The following CSMD1 variants were observed in gnomAD, a reference collection of about 807,000 sequenced individuals.
The protein encoded by CSMD1 is CUB and Sushi multiple domains 1, also known as CUB and sushi domain-containing protein 1.
A neutral mutation model predicts 417.5 loss-of-function variants in CSMD1; 213 were observed. The observed-to-expected ratio is 0.51, with a 90% CI of 0.46 to 0.57. The LOEUF (loss-of-function observed/expected upper bound fraction) is 0.57, where lower values mean the gene tolerates loss of function less well. Among genes scored for constraint, CSMD1 ranks in the 20% least tolerant of loss-of-function variants. The pLI is 0.00. For synonymous variants in CSMD1, 2,862 were observed against 1,736.8 expected (o/e 1.65, Z -16.11); for missense variants, 6,923 against 4,529.7 (o/e 1.53, Z -15.17).
chr8:4,526,379 C>A (rs530420494), intron 2 of CSMD1, among the ~76,000 whole-genome samples: 71 of 152,336 alleles, frequency 4.7e-4, no homozygotes, highest in African/African-American at 1.7e-3. Context: ...TGGTCTCCTC[C>A]TTCAACAAGA....
intron 5 of CSMD1, among the ~76,000 whole-genome samples, chr8:3,902,286 T>C (rs1584937354): frequency 1.3e-5 from 2 of 152,136 alleles, no homozygotes; most frequent in East Asian, 3.9e-4. Context: ...CCCTCACCCA[T>C]TACTGTCAAA....
At chr8:4,064,856 G>C (rs372795154) in intron 3 of CSMD1, among the ~76,000 whole-genome samples, 1 of 151,990 alleles carries the variant, frequency 6.6e-6, no homozygotes, top group Admixed American at 6.6e-5. Flanking sequence ...TAAGTGTACT[G>C]TGTTTGTAAT....
At chr8:4,928,078 C>T (rs1346079575) in intron 1 of CSMD1, among the ~76,000 whole-genome samples, 2 of 152,244 alleles carry the variant, frequency 1.3e-5, no homozygotes, top group Non-Finnish European at 2.9e-5. Context: ...TGTGGCCTCT[C>T]TGAGCTCCAT....
intron 25 of CSMD1, among the ~76,000 whole-genome samples, chr8:3,293,947 C>T (rs1389001233): frequency 6.6e-6 from 1 of 152,114 alleles, no homozygotes; most frequent in East Asian, 1.9e-4. Context: ...TTTTCCCCAT[C>T]TTTGTGGTTT....
At chr8:4,213,817 T>C (rs1336644247) in intron 3 of CSMD1, among the ~76,000 whole-genome samples, 2 of 152,078 alleles carry the variant, frequency 1.3e-5, no homozygotes, top group Admixed American at 1.3e-4. Context: ...TTGAGAAAGA[T>C]AAGAAAAGAG....
chr8:3,341,193 G>C (rs1465323599), intron 23 of CSMD1, among the ~76,000 whole-genome samples: 6 of 152,086 alleles, frequency 3.9e-5, no homozygotes, highest in Non-Finnish European at 7.3e-5. Context: ...TTCTGGGTGA[G>C]GGAGGGTGGA....
At chr8:4,106,500 T>A (rs2194604) in intron 3 of CSMD1, among the ~76,000 whole-genome samples, 4 of 151,886 alleles carry the variant, frequency 2.6e-5, no homozygotes, top group Admixed American at 2.6e-4. Context: ...CCCTGTTCAA[T>A]AGAAACAGAA....
rs1801775627 is a variant in CSMD1 at position 3,715,432 on chromosome 8, C to T, written c.932-6941G>A. On this transcript the variant is annotated intron_variant, in intron 6 of 69. Coordinates refer to ENST00000635120, the MANE Select transcript of CSMD1 (RefSeq NM_033225.6). ...TTGAAAATGTGGTTCCGTCATTTTTCTCCTCTTCTGCATGATCATTTTTTC... is the reference window on the plus strand; with the variant it reads ...TTGAAAATGTGGTTCCGTCATTTTTTTCCTCTTCTGCATGATCATTTTTTC... 2.6e-5 allele frequency among the ~76,000 whole-genome samples: 4 copies of T among 151,970 alleles called. No homozygotes were observed. In the South Asian group the frequency reaches 6.2e-4, roughly 24 times the overall value.
intron 25 of CSMD1, among the ~76,000 whole-genome samples, chr8:3,304,541 T>TAAAC (rs1218779546): frequency 6.6e-6 from 1 of 152,154 alleles, no homozygotes; most frequent in Non-Finnish European, 1.5e-5. Context: ...AAATTAAGGA[T>TAAAC]AAACATGGAT....
intron 3 of CSMD1, among the ~76,000 whole-genome samples, chr8:4,386,049 C>G (rs1803427557): frequency 6.6e-6 from 1 of 152,170 alleles, no homozygotes; most frequent in Non-Finnish European, 1.5e-5. Flanking sequence ...TCTGTGCCAT[C>G]CTGTCTTCTC....
intron 4 of CSMD1, among the ~76,000 whole-genome samples, chr8:4,021,434 G>C (rs903559640): frequency 6.6e-6 from 1 of 152,146 alleles, no homozygotes; most frequent in Non-Finnish European, 1.5e-5. Context: ...GGACAGCACT[G>C]CTCTAATTAC....
chr8:2,992,608 TAG>T (rs1166501521), intron 54 of CSMD1, among the ~76,000 whole-genome samples: 1 of 147,174 alleles, frequency 6.8e-6, no homozygotes, highest in Non-Finnish European at 1.5e-5. Flanking sequence ...GTATTTTTAG[TAG>T]AGAGGGGGGT....
At chr8:4,986,431 C>T (rs755347530) in intron 1 of CSMD1, among the ~76,000 whole-genome samples, 1 of 152,140 alleles carries the variant, frequency 6.6e-6, no homozygotes, top group Admixed American at 6.5e-5. Context: ...TAAATAGAGG[C>T]ATAGACATTC....
intron 3 of CSMD1, among the ~76,000 whole-genome samples, chr8:4,059,491 A>T (rs1798861201): frequency 6.6e-6 from 1 of 152,344 alleles, no homozygotes; most frequent in South Asian, 2.1e-4. Flanking sequence ...TCAAAAAATT[A>T]ATGAATCCAG....
intron 12 of CSMD1, among the ~76,000 whole-genome samples, chr8:3,433,874 C>G (rs1278641438): frequency 6.6e-6 from 1 of 152,206 alleles, no homozygotes; most frequent in Non-Finnish European, 1.5e-5. Flanking sequence ...CTTCCTGCTT[C>G]AACTTCTGGT....
intron 26 of CSMD1, among the ~76,000 whole-genome samples, chr8:3,245,162 T>G (rs576640566): frequency 6.6e-6 from 1 of 152,340 alleles, no homozygotes; most frequent in East Asian, 1.9e-4. Flanking sequence ...TATTTTGCCC[T>G]CTCTGTAAAT....
At chr8:4,936,701 T>C (rs1220073625) in intron 1 of CSMD1, among the ~76,000 whole-genome samples, 5 of 152,232 alleles carry the variant, frequency 3.3e-5, no homozygotes, top group East Asian at 3.8e-4. Context: ...TATTTCACTG[T>C]AATTCATTAA....
chr8:3,372,319 G>T lies in CSMD1; in HGVS notation c.2783-2949C>A, dbSNP rs1408884536. The stretch of plus-strand genomic sequence containing the variant: ...GAACAGAAAGGACACCTCTGTGACT[G>T]GGGGGTCCTTGTAAGGGTTGGAGGT... On this transcript the variant is annotated intron_variant, in intron 18 of 69. Transcript: ENST00000635120. Among the ~76,000 whole-genome samples the T allele has an allele frequency of 3.3e-5, 5 of 152,124 alleles. 1 individual carries two copies. In the East Asian group the frequency reaches 7.7e-4, roughly 24 times the overall value.
In CSMD1 at chr8:2,978,789, A is replaced by C; in HGVS notation, c.8389T>G (p.Ser2797Ala). ...PLPTCRVVNC[S>A]DPGFVENAIR... ...GCATTTTCCACAAAGCCTGGATCAG[A>C]ACAGTTCACCACTAGAAAATAAAAC... Residue 2797 changes from serine (S) to alanine (A), a missense_variant, in exon 55 of 70, where the codon TCT becomes GCT. Coordinates refer to ENST00000635120, the MANE Select transcript of CSMD1 (RefSeq NM_033225.6). 1 of 1,611,688 alleles carries C rather than the reference A, an allele frequency of 6.2e-7. No individual in the cohort carries two copies. The highest frequency in any genetic ancestry group is 8.5e-7 in the Non-Finnish European group (1 of 1,178,938).
Sources: allele counts gnomAD v4.1 joint callset (sites outside exome capture counted in the v4.1 genomes callset), GRCh38; gene constraint gnomAD v4.1.1; transcripts MANE v1.5; gene names NCBI Gene and HGNC (gene_info 2026-07-23, HGNC 2026-07-21).